PVR: variants seen among roughly 807,000 people sequenced by gnomAD.
PVR encodes the protein poliovirus receptor.
Under a neutral mutation model 43.3 loss-of-function variants are expected in PVR, and 39 were observed. The observed-to-expected ratio is 0.90, with a 90% CI of 0.70 to 1.18. The LOEUF is 1.18. Among genes scored for constraint, PVR ranks in the 50% most tolerant of loss-of-function variants. The pLI is 0.00. For missense variants in PVR, 480 were observed against 549.7 expected, an observed-to-expected ratio of 0.87 and a Z score of 1.27; for synonymous variants, 224 against 233.2, an observed-to-expected ratio of 0.96 and a Z score of 0.36.
intron 6 of PVR, 125 bp downstream of exon 6, chr19:44,659,025 G>A (rs1973529505): frequency 1.2e-6 from 1 of 859,438 alleles, no homozygotes. Flanking sequence ...GACTGATGAG[G>A]GTGCAGAGCC....
At position 44,662,008 on chromosome 19, in the gene PVR, C is replaced by T. The variant is rs1359948355; in HGVS notation, c.*197C>T. 2 of 589,744 alleles carry T rather than the reference C, an allele frequency of 3.4e-6. No individual in the cohort carries two copies. The highest frequency in any genetic ancestry group is 5.6e-5 in the East Asian group (2 of 35,820). 36.5% of individuals were successfully genotyped at this position (589,744 alleles called of 1,614,324 possible). On this transcript the variant is annotated 3_prime_UTR_variant, in exon 8 of 8. Coordinates refer to ENST00000425690, the MANE Select transcript of PVR (RefSeq NM_006505.5). ...CCTCCTTTCATTTGCTAGAAGGACT[C>T]ACTAGACTCAGGAAAGCTGTTAGGC...
chr19:44,660,184 G>T (rs737100), intron 6 of PVR, among the ~76,000 whole-genome samples: 2 of 152,028 alleles, frequency 1.3e-5, no homozygotes, highest in Non-Finnish European at 2.9e-5. Context: ...CCCCAGGACC[G>T]CCTACCACTG....
Position 44,665,267 on chromosome 19 carries a change from C to T in PVR, c.*3456C>T, listed in dbSNP as rs2081973385. The T allele has an allele frequency of 6.6e-6, 1 of 152,140 alleles. No individual in the cohort carries two copies. The highest frequency in any genetic ancestry group is 1.5e-5 in the Non-Finnish European group (1 of 68,038). The allele number at this position is 152,140 out of a possible 1,614,324, so 9.4% of individuals were successfully genotyped here. On this transcript the variant is annotated 3_prime_UTR_variant, in exon 8 of 8. Coordinates refer to ENST00000425690, the MANE Select transcript of PVR (RefSeq NM_006505.5). ...TCTTTTCAGGTTGATACGATCTCAC[C>T]TTGAGGAGCTGTGAGGTCCCAGAAG... is the stretch of plus-strand genomic sequence containing the variant.
rs1351962936 is a variant in PVR, at chr19:44,664,872, A to T, written c.*3061A>T. 1.3e-5 allele frequency: 2 copies of T among 152,140 alleles called. No homozygotes were observed. The highest frequency in any genetic ancestry group is 2.9e-5 in the Non-Finnish European group (2 of 68,034). 9.4% of individuals were successfully genotyped at this position (152,140 alleles called of 1,614,324 possible). ...GCCAATGCACACTGTCATTTAGCTC[A>T]TGTTAACACCTGAGTGTAGGACACA... is the stretch of plus-strand genomic sequence containing the variant. On this transcript the variant is annotated 3_prime_UTR_variant, in exon 8 of 8. Transcript: ENST00000425690.
chr19:44,655,536 A>G (rs1392893054), intron 4 of PVR, among the ~76,000 whole-genome samples: 3 of 152,166 alleles, frequency 2.0e-5, no homozygotes, highest in Non-Finnish European at 2.9e-5. Context: ...CTTATTATAC[A>G]TCCTGTCTTT....
chr19:44,647,106 C>CCG, intron 1 of PVR, 117 bp from the exon 2 acceptor site: 1 of 663,928 alleles, frequency 1.5e-6, no homozygotes. Flanking sequence ...CACGGTCCAC[C>CCG]GGGGATCCAG....
At chr19:44,661,219 C>A in intron 6 of PVR, 73 bp from the exon 7 acceptor site, 1 of 1,439,514 alleles carries the variant, frequency 6.9e-7, no homozygotes, top group Non-Finnish European at 9.8e-7. Flanking sequence ...AGGGCCCTGA[C>A]ACCCAGGCAT....
At position 44,665,007 on chromosome 19, in the gene PVR, C is replaced by T. The variant is rs1973676113; in HGVS notation, c.*3196C>T. The T allele has an allele frequency of 6.6e-6, 1 of 152,082 alleles. No homozygotes were observed. Among genetic ancestry groups the T allele is most frequent in the African/African-American group, 2.4e-5 (1 of 41,398 alleles). 9.4% of individuals were successfully genotyped at this position (152,082 alleles called of 1,614,324 possible). On this transcript the variant is annotated 3_prime_UTR_variant, in exon 8 of 8. Coordinates refer to ENST00000425690, the MANE Select transcript of PVR (RefSeq NM_006505.5). ...TGCTGAGTTCTGTTCCCACCAGCGA[C>T]GTAGGCGATGACCTTTTTCTGGAGG... is the stretch of plus-strand genomic sequence containing the variant.
Position 44,663,235 on chromosome 19 carries a change from A to G in PVR, c.*1424A>G, listed in dbSNP as rs1236137672. On this transcript the variant is annotated 3_prime_UTR_variant, in exon 8 of 8. Coordinates refer to ENST00000425690, the MANE Select transcript of PVR (RefSeq NM_006505.5). ...AAGGTCTATGATCTTGAGGGCAGACAGCAGAATTCCTCTTATAAAGAAAAC... is the reference window on the plus strand; with the variant it reads ...AAGGTCTATGATCTTGAGGGCAGACGGCAGAATTCCTCTTATAAAGAAAAC... 1 of 152,264 alleles carries G rather than the reference A, an allele frequency of 6.6e-6. No individual in the cohort carries two copies. The highest frequency in any genetic ancestry group is 1.9e-4 in the East Asian group (1 of 5,204). The allele number at this position is 152,264 out of a possible 1,614,324, so 9.4% of individuals were successfully genotyped here.
In PVR at chr19:44,647,292, A is replaced by G. The variant is rs761527763; in HGVS notation, c.149A>G (p.Tyr50Cys). The G allele has an allele frequency of 6.3e-7, 1 of 1,592,202 alleles. No homozygotes were observed. Among genetic ancestry groups the G allele is most frequent in the Non-Finnish European group, 8.5e-7 (1 of 1,169,682 alleles). The change falls in exon 2 of 8, where the codon TAC (tyrosine) becomes TGC (cysteine). Residue 50 changes from tyrosine (Y) to cysteine (C), a missense_variant. Coordinates refer to ENST00000425690, the MANE Select transcript of PVR (RefSeq NM_006505.5). ...FLGDSVTLPCYLQVPNMEVTH... is the reference protein window; with the variant it reads ...FLGDSVTLPCCLQVPNMEVTH... Reference sequence around the variant, plus strand: ...GGCGACTCCGTGACGCTGCCCTGCTACCTACAGGTGCCCAACATGGAGGTG... The same window carrying G: ...GGCGACTCCGTGACGCTGCCCTGCTGCCTACAGGTGCCCAACATGGAGGTG...
chr19:44,661,910 G>C lies in PVR; in HGVS notation c.*99G>C. The C allele has an allele frequency of 1.8e-6, 2 of 1,141,318 alleles. No homozygotes were observed. The highest frequency in any genetic ancestry group is 1.3e-6 in the Non-Finnish European group (1 of 775,866). The allele number at this position is 1,141,318 out of a possible 1,614,324, so 70.7% of individuals were successfully genotyped here. ...AATGGATGAAGACCCCCTCCAAAGA[G>C]ACCAGCCTCCCTCCCTGTGCCAGAC... On this transcript the variant is annotated 3_prime_UTR_variant, in exon 8 of 8. Coordinates refer to ENST00000425690, the MANE Select transcript of PVR (RefSeq NM_006505.5).
chr19:44,644,122 G>A lies in PVR; in HGVS notation c.26G>A (p.Trp9Ter). Residue 9 changes from tryptophan (W) to a stop codon, truncating the protein, a stop_gained, in exon 1 of 8, where the codon TGG becomes TAG. Transcript: ENST00000425690. LOFTEE classifies it high-confidence loss of function. The part of the protein sequence containing the change: MARAMAAA[W>*]PLLLVALLVL... ...ATGGCCCGAGCCATGGCCGCCGCGT[G>A]GCCGCTGCTGCTGGTGGCGCTACTG... is the stretch of plus-strand genomic sequence containing the variant. The A allele has an allele frequency of 6.6e-7, 1 of 1,519,586 alleles. No individual in the cohort carries two copies. The highest frequency in any genetic ancestry group is 8.8e-7 in the Non-Finnish European group (1 of 1,139,260). The allele number at this position is 1,519,586 out of a possible 1,614,324, so 94.1% of individuals were successfully genotyped here. A position where few individuals can be genotyped will look rare whatever the true frequency, so the allele number is the denominator to read the frequency against.
At chr19:44,646,797 G>A (rs1195015635) in intron 1 of PVR, among the ~76,000 whole-genome samples, 2 of 151,984 alleles carry the variant, frequency 1.3e-5, no homozygotes, top group African/African-American at 4.8e-5. Flanking sequence ...AAAAGAAAAA[G>A]TTCTGGCGCT....
chr19:44,649,731 C>G, intron 2 of PVR, 78 bp from the exon 3 acceptor site: 1 of 1,495,984 alleles, frequency 6.7e-7, no homozygotes, highest in South Asian at 1.2e-5. Context: ...ACCATGCCAT[C>G]CTGTACCCTT....
intron 6 of PVR, 119 bp downstream of exon 6, chr19:44,659,019 G>A: frequency 1.1e-6 from 1 of 933,736 alleles, no homozygotes. Flanking sequence ...CCATTTGACT[G>A]ATGAGGGTGC....
At chr19:44,652,760 C>G (rs1387092662) in intron 3 of PVR, among the ~76,000 whole-genome samples, 4 of 152,212 alleles carry the variant, frequency 2.6e-5, no homozygotes, top group Admixed American at 6.5e-5. Context: ...AGTGATCCTC[C>G]TGCCTCAACC....
intron 6 of PVR, among the ~76,000 whole-genome samples, chr19:44,660,476 GTTA>G (rs1370738434): frequency 6.6e-6 from 1 of 152,222 alleles, no homozygotes; most frequent in African/African-American, 2.4e-5. Context: ...TACTATTATT[GTTA>G]TTATTAACAT....
chr19:44,654,318 C>A (rs953106554), intron 4 of PVR, among the ~76,000 whole-genome samples: 6 of 151,748 alleles, frequency 4.0e-5, no homozygotes, highest in Admixed American at 3.3e-4. Flanking sequence ...GAGCCTGGAC[C>A]CCTGGGTCTG....
In PVR at chr19:44,653,856, C is replaced by G. The variant is rs368105509; in HGVS notation, c.725-44C>G. On this transcript the variant is annotated intron_variant, in intron 3 of 7. Coordinates refer to ENST00000425690, the MANE Select transcript of PVR (RefSeq NM_006505.5). Reference sequence around the variant, plus strand: ...TGAATCCCGCGTAGCCCCAGGCCCCCCAAAGCCTCCCAGTCTCTGAACCTC... The same window carrying G: ...TGAATCCCGCGTAGCCCCAGGCCCCGCAAAGCCTCCCAGTCTCTGAACCTC... The G allele has an allele frequency of 3.2e-5, 46 of 1,418,240 alleles. No homozygotes were observed. In the East Asian group the frequency reaches 7.5e-4, roughly 23 times the overall value. 87.9% of individuals were successfully genotyped at this position (1,418,240 alleles called of 1,614,324 possible).
Sources: gnomAD v4.1 joint callset for allele counts (sites outside exome capture counted in the v4.1 genomes callset) on GRCh38, gnomAD v4.1.1 for gene constraint, MANE v1.5 for transcripts, NCBI Gene and HGNC (gene_info 2026-07-23, HGNC 2026-07-21) for gene names.